The following EYS variants were observed in gnomAD, a reference collection of about 807,000 sequenced individuals.
EYS encodes the protein protein eyes shut homolog.
EYS carries 250 observed loss-of-function variants against 282.1 expected under a neutral mutation model. The ratio of observed to expected loss-of-function variants is 0.89; its 90% confidence interval spans 0.80 to 0.98. The LOEUF (loss-of-function observed/expected upper bound fraction) is 0.98, where lower values mean the gene tolerates loss of function less well. Ranked by LOEUF, EYS falls within the 50% of genes least tolerant of loss-of-function variation. EYS has a pLI of 0.00. For missense variants in EYS, 4,016 were observed against 3,709.0 expected, an observed-to-expected ratio of 1.08 and a Z score of -2.15; for synonymous variants, 1,355 against 1,282.9, an observed-to-expected ratio of 1.06 and a Z score of -1.20.
At chr6:65,401,468 G>T (rs1217998532) in intron 7 of EYS, among the ~76,000 whole-genome samples, 2 of 150,886 alleles carry the variant, frequency 1.3e-5, no homozygotes, top group African/African-American at 4.8e-5. Flanking sequence ...CATAGAAATA[G>T]AATTGTAAAT....
intron 26 of EYS, among the ~76,000 whole-genome samples, chr6:64,458,157 A>T (rs682170): frequency 0.41 from 62,317 of 151,880 alleles, 13,807 homozygotes; most frequent in African/African-American, 0.59. Context: ...TTATTGCACC[A>T]ATTATTTTTG....
intron 11 of EYS, among the ~76,000 whole-genome samples, chr6:65,326,271 A>G (rs1769617805): frequency 6.6e-6 from 1 of 151,718 alleles, no homozygotes; most frequent in African/African-American, 2.4e-5. Context: ...ACAAATATTC[A>G]CTCTCATTGT....
chr6:64,647,459 T>C (rs1049248726), intron 22 of EYS, among the ~76,000 whole-genome samples: 5 of 152,202 alleles, frequency 3.3e-5, no homozygotes, highest in African/African-American at 9.6e-5. Context: ...TTGTTCATTA[T>C]GTTCATGAAG....
intron 1 of EYS, among the ~76,000 whole-genome samples, chr6:65,678,994 C>T (rs1768727967): frequency 6.6e-6 from 1 of 151,778 alleles, no homozygotes; most frequent in African/African-American, 2.4e-5. Flanking sequence ...AATAATAATC[C>T]TCAGTAATCC....
chr6:64,491,113 A>C (rs1365342216), intron 26 of EYS, among the ~76,000 whole-genome samples: 2 of 150,930 alleles, frequency 1.3e-5, no homozygotes, highest in Non-Finnish European at 3.0e-5. Context: ...TAATAAGAAG[A>C]AGAATATCAT....
At chr6:64,660,682 G>A (rs1034933598) in intron 22 of EYS, among the ~76,000 whole-genome samples, 1 of 152,112 alleles carries the variant, frequency 6.6e-6, no homozygotes, top group Admixed American at 6.5e-5. Flanking sequence ...ATTTACAAGG[G>A]ATGTGAAGGA....
At chr6:64,131,443 C>G (rs1409538257) in intron 31 of EYS, among the ~76,000 whole-genome samples, 1 of 152,156 alleles carries the variant, frequency 6.6e-6, no homozygotes, top group African/African-American at 2.4e-5. Context: ...GGAATCCAAA[C>G]AGTTGTCATG....
At chr6:65,177,898 A>G (rs1581985471) in intron 12 of EYS, among the ~76,000 whole-genome samples, 2 of 152,090 alleles carry the variant, frequency 1.3e-5, no homozygotes, top group African/African-American at 4.8e-5. Context: ...ACCAGCAACA[A>G]TGCATCATGT....
intron 8 of EYS, among the ~76,000 whole-genome samples, chr6:65,379,577 C>T (rs1765532085): frequency 6.6e-6 from 1 of 152,132 alleles, no homozygotes; most frequent in South Asian, 2.1e-4. Context: ...TGCCCTCTCT[C>T]ACCACTCCTG....
At chr6:64,061,751 G>A (rs544551104) in intron 33 of EYS, among the ~76,000 whole-genome samples, 1 of 152,204 alleles carries the variant, frequency 6.6e-6, no homozygotes, top group East Asian at 1.9e-4. Context: ...TACTTTAGGA[G>A]GGCCGTGGAG....
chr6:65,130,682 G>A (rs1186658823), intron 12 of EYS, among the ~76,000 whole-genome samples: 1 of 151,486 alleles, frequency 6.6e-6, no homozygotes, highest in Non-Finnish European at 1.5e-5. Flanking sequence ...AGAGGATCAG[G>A]AAAATGACTA....
At chr6:64,256,542 T>C (rs992546765) in intron 30 of EYS, among the ~76,000 whole-genome samples, 3 of 152,002 alleles carry the variant, frequency 2.0e-5, no homozygotes, top group African/African-American at 7.2e-5. Flanking sequence ...AGTTTTCTTT[T>C]TATTGCTAAG....
intron 28 of EYS, among the ~76,000 whole-genome samples, chr6:64,422,050 A>G (rs1223362206): frequency 2.0e-5 from 3 of 152,184 alleles, no homozygotes. Context: ...CCTACAATAC[A>G]AAGGACAGCA....
intron 12 of EYS, among the ~76,000 whole-genome samples, chr6:65,226,543 C>T (rs1271672809): frequency 2.0e-5 from 3 of 151,954 alleles, no homozygotes; most frequent in East Asian, 1.9e-4. Flanking sequence ...ATTGTCAATA[C>T]GGAAATCCAA....
At chr6:64,967,715 A>G (rs1228401330) in intron 14 of EYS, among the ~76,000 whole-genome samples, 2 of 152,092 alleles carry the variant, frequency 1.3e-5, no homozygotes, top group African/African-American at 2.4e-5. Flanking sequence ...TGTACTATAA[A>G]ATTAACTCCA....
intron 22 of EYS, among the ~76,000 whole-genome samples, chr6:64,663,385 A>G (rs534369989): frequency 6.6e-6 from 1 of 152,310 alleles, no homozygotes. Context: ...CAACTTTTTC[A>G]AAAGGTTGAT....
intron 22 of EYS, among the ~76,000 whole-genome samples, chr6:64,659,729 T>C (rs1768919287): frequency 6.6e-6 from 1 of 152,064 alleles, no homozygotes; most frequent in Non-Finnish European, 1.5e-5. Context: ...GGCTCTGAAA[T>C]TGAGGCAAAA....
At chr6:65,567,921 A>T (rs928783990) in intron 2 of EYS, among the ~76,000 whole-genome samples, 2 of 152,084 alleles carry the variant, frequency 1.3e-5, no homozygotes, top group African/African-American at 4.8e-5. Flanking sequence ...TGACATTTTG[A>T]CATGCTGAAC....
intron 26 of EYS, among the ~76,000 whole-genome samples, chr6:64,513,761 G>A (rs1267653355): frequency 1.3e-5 from 2 of 151,770 alleles, no homozygotes; most frequent in Non-Finnish European, 2.9e-5. Flanking sequence ...TAAAATTTTG[G>A]TGTGCCTGGA....
Sources: allele counts gnomAD v4.1 joint callset (sites outside exome capture counted in the v4.1 genomes callset), GRCh38; gene constraint gnomAD v4.1.1; transcripts MANE v1.5; gene names NCBI Gene and HGNC (gene_info 2026-07-23, HGNC 2026-07-21).